ATP23: variants seen among roughly 807,000 people sequenced by gnomAD.
ATP23 encodes the protein mitochondrial inner membrane protease ATP23 homolog.
In ATP23, 24 loss-of-function variants were observed where a neutral mutation model predicts 28.5. The ratio of observed to expected loss-of-function variants is 0.84; its 90% CI spans 0.61 to 1.18. The LOEUF (loss-of-function observed/expected upper bound fraction) is 1.18. Among genes scored for constraint, ATP23 ranks in the 50% most tolerant of loss-of-function variants. The probability of loss-of-function intolerance (pLI) is 0.00; values close to 1 mark genes in which losing one functional copy is unlikely to be tolerated. For missense variants in ATP23, 274 were observed against 306.4 expected (o/e 0.89, Z 0.79); for synonymous variants, 99 against 108.6 (o/e 0.91, Z 0.55).
intron 4 of ATP23, among the ~76,000 whole-genome samples, chr12:57,953,223 C>T (rs889559392): frequency 3.3e-5 from 5 of 152,166 alleles, no homozygotes; most frequent in African/African-American, 1.2e-4. Context: ...TCTTGAAGTA[C>T]TTTTGGCAAT....
chr12:57,947,129 T>A, intron 3 of ATP23, 53 bp downstream of exon 3: 1 of 1,542,084 alleles, frequency 6.5e-7, no homozygotes, highest in East Asian at 2.3e-5. Context: ...CTCTTTATAT[T>A]TTTTGAGCAT....
At chr12:57,951,974 C>CTT in intron 4 of ATP23, 79 bp downstream of exon 4, 1 of 1,546,168 alleles carries the variant, frequency 6.5e-7, no homozygotes, top group Non-Finnish European at 8.9e-7. Context: ...AAATGTATTC[C>CTT]TTTTCTTACT....
At chr12:57,956,247 A>G (rs1030503055) in intron 5 of ATP23, among the ~76,000 whole-genome samples, 2 of 152,228 alleles carry the variant, frequency 1.3e-5, no homozygotes, top group Non-Finnish European at 2.9e-5. Context: ...TTCTCAAAGG[A>G]AAAGTTATCT....
chr12:57,942,582 C>G (rs1379286087), intron 1 of ATP23, among the ~76,000 whole-genome samples: 2 of 152,130 alleles, frequency 1.3e-5, no homozygotes, highest in Non-Finnish European at 1.5e-5. Context: ...CGCCACCACA[C>G]CCTGCTAATT....
chr12:57,958,249 A>G lies in ATP23; in HGVS notation c.*1359A>G, dbSNP rs1255734306. Reference sequence around the variant, plus strand: ...GCAAGACCTGCCCAAGGAGAGTCTGAGCTCAGACATGTCTATCCCTGCCCC... The same window carrying G: ...GCAAGACCTGCCCAAGGAGAGTCTGGGCTCAGACATGTCTATCCCTGCCCC... On this transcript the variant is annotated 3_prime_UTR_variant, in exon 6 of 6. Transcript: ENST00000300145. 2.0e-5 allele frequency among the ~76,000 whole-genome samples: 3 copies of G among 152,112 alleles called. No homozygotes were observed. The highest frequency in any genetic ancestry group is 4.4e-5 in the Non-Finnish European group (3 of 68,018).
intron 4 of ATP23, among the ~76,000 whole-genome samples, chr12:57,952,512 G>A (rs1224103574): frequency 6.6e-6 from 1 of 152,138 alleles, no homozygotes; most frequent in Non-Finnish European, 1.5e-5. Flanking sequence ...TACTAAGCAC[G>A]TTGGATTGCT....
At chr12:57,950,269 C>T (rs1254856745) in intron 3 of ATP23, among the ~76,000 whole-genome samples, 5 of 152,184 alleles carry the variant, frequency 3.3e-5, no homozygotes, top group African/African-American at 9.7e-5. Context: ...GGCCCCCCGA[C>T]CTCACCAGCC....
chr12:57,942,782 A>T (rs898347496), intron 1 of ATP23, among the ~76,000 whole-genome samples: 6 of 152,016 alleles, frequency 3.9e-5, no homozygotes, highest in Non-Finnish European at 8.8e-5. Context: ...ATTCTCAAAG[A>T]GGCCAACGAC....
intron 2 of ATP23, 41 bp from the exon 3 acceptor site, chr12:57,946,954 C>T (rs1181160948): frequency 2.5e-6 from 4 of 1,599,880 alleles, no homozygotes; most frequent in Non-Finnish European, 3.4e-6. Context: ...TTGCCACATA[C>T]ACACTGTTTC....
chr12:57,951,821 C>A lies in ATP23; in HGVS notation c.379C>A (p.Leu127Ile), dbSNP rs776359799. 8 of 1,614,042 alleles carry A rather than the reference C, an allele frequency of 5.0e-6. No individual in the cohort carries two copies. The highest frequency in any genetic ancestry group is 2.2e-5 in the South Asian group (2 of 91,092). The change falls in exon 4 of 6, where the codon CTT becomes ATT. Residue 127 changes from leucine (L) to isoleucine (I), a missense_variant. Physicochemically the swap from Leu to Ile is conservative, Grantham distance 5. Coordinates refer to ENST00000300145, the MANE Select transcript of ATP23 (RefSeq NM_033276.4). Reference protein sequence around the residue: ...AHMNRVVTHELIHAFDHCRAH... With the variant: ...AHMNRVVTHEIIHAFDHCRAH... ...TATGAACAGAGTGGTCACACACGAG[C>A]TTATTCATGCATTTGATCATTGTCG...
rs933618063 is a variant in ATP23 at position 57,956,989 on chromosome 12, C to T, written c.*99C>T. 13 of 984,540 alleles carry T rather than the reference C, an allele frequency of 1.3e-5. No individual in the cohort carries two copies. The highest frequency in any genetic ancestry group is 1.7e-5 in the Non-Finnish European group (12 of 701,956). 61.0% of individuals were successfully genotyped at this position (984,540 alleles called of 1,614,324 possible). A position where few individuals can be genotyped will look rare whatever the true frequency, so the allele number is the denominator to read the frequency against. ...ACATATAAAATGTAAACAATCCCTA[C>T]AATCCAGATAAAACAGAGAAGACTG... On this transcript the variant is annotated 3_prime_UTR_variant, in exon 6 of 6. Coordinates refer to ENST00000300145, the MANE Select transcript of ATP23 (RefSeq NM_033276.4).
At chr12:57,956,652 T>C in intron 5 of ATP23, 35 bp from the exon 6 acceptor site, 1 of 1,459,920 alleles carries the variant, frequency 6.8e-7, no homozygotes, top group Non-Finnish European at 9.3e-7. Flanking sequence ...AATGTTTATA[T>C]AAAATTAGAG....
At position 57,947,031 on chromosome 12, in the gene ATP23, CTG is replaced by C. The variant is rs1956769032; in HGVS notation, c.272_273del (p.Cys91Ter). On this transcript the variant is annotated frameshift_variant, in exon 3 of 6. Coordinates refer to ENST00000300145, the MANE Select transcript of ATP23 (RefSeq NM_033276.4). LOFTEE classifies it high-confidence loss of function. ...AAGATAGACACTTTTCTTGCGAAGA[CTG>C]TAATGGAAATGTCAGTGGAGGTTTT... ...NKDRHFSCED[C>X]NGNVSGGFDA... 2 of 1,614,058 alleles carry C rather than the reference CTG, an allele frequency of 1.2e-6. No homozygotes were observed. The highest frequency in any genetic ancestry group is 1.1e-5 in the South Asian group (1 of 91,060).
intron 5 of ATP23, among the ~76,000 whole-genome samples, chr12:57,954,629 T>C (rs1200008698): frequency 6.6e-6 from 1 of 152,212 alleles, no homozygotes. Flanking sequence ...ATAATGAATG[T>C]GAGCAGTTCT....
At chr12:57,952,772 G>C (rs1248667268) in intron 4 of ATP23, among the ~76,000 whole-genome samples, 1 of 152,080 alleles carries the variant, frequency 6.6e-6, no homozygotes, top group East Asian at 1.9e-4. Context: ...ATGCCTTTTA[G>C]CTAGTTAAAG....
chr12:57,943,871 G>A (rs1956732728), intron 1 of ATP23, among the ~76,000 whole-genome samples: 1 of 152,080 alleles, frequency 6.6e-6, no homozygotes, highest in Non-Finnish European at 1.5e-5. Flanking sequence ...ATCTTCCAAG[G>A]GCAGGGTGGC....
chr12:57,956,216 G>C (rs1415186198), intron 5 of ATP23, among the ~76,000 whole-genome samples: 1 of 152,154 alleles, frequency 6.6e-6, no homozygotes, highest in African/African-American at 2.4e-5. Context: ...GTTTCCTGTT[G>C]CCTCCAGAGA....
At chr12:57,942,463 G>A (rs886940497) in intron 1 of ATP23, among the ~76,000 whole-genome samples, 4 of 147,038 alleles carry the variant, frequency 2.7e-5, no homozygotes, top group Non-Finnish European at 4.5e-5. Context: ...TCGCTCTGTC[G>A]CCCAGGCTGG....
chr12:57,950,392 T>C (rs1384658448), intron 3 of ATP23, among the ~76,000 whole-genome samples: 1 of 152,142 alleles, frequency 6.6e-6, no homozygotes, highest in East Asian at 1.9e-4. Flanking sequence ...TAGGTTTTTC[T>C]CTCTGCCTAG....
Sources: gnomAD v4.1 joint callset for allele counts (sites outside exome capture counted in the v4.1 genomes callset) on GRCh38, gnomAD v4.1.1 for gene constraint, MANE v1.5 for transcripts, NCBI Gene and HGNC (gene_info 2026-07-23, HGNC 2026-07-21) for gene names.